The following DPP6 variants were observed in gnomAD, a reference collection of about 807,000 sequenced individuals.
DPP6 encodes the protein A-type potassium channel modulatory protein DPP6.
In DPP6, 69 loss-of-function variants were observed where a neutral mutation model predicts 122.6. That is an observed-to-expected ratio of 0.56 (90% CI 0.46 to 0.69). The LOEUF is 0.69. Among genes scored for constraint, DPP6 ranks in the 30% least tolerant of loss-of-function variants. DPP6 has a pLI of 0.00. For missense variants in DPP6, 928 were observed against 1,116.9 expected, an observed-to-expected ratio of 0.83 and a Z score of 2.41; for synonymous variants, 418 against 433.1, an observed-to-expected ratio of 0.97 and a Z score of 0.43.
chr7:153,944,261 G>A (rs6952540), intron 1 of DPP6, among the ~76,000 whole-genome samples: 4,990 of 152,250 alleles, frequency 0.033, 290 homozygotes, highest in African/African-American at 0.11. Flanking sequence ...ATGGGTGTGC[G>A]TTTGTGCATG....
intron 1 of DPP6, among the ~76,000 whole-genome samples, chr7:154,364,586 T>C (rs930295594): frequency 6.6e-6 from 1 of 152,196 alleles, no homozygotes; most frequent in African/African-American, 2.4e-5. Flanking sequence ...TCCCAGGGTT[T>C]CCTCTGCATC....
At chr7:154,744,011 G>A (rs1020780927) in intron 8 of DPP6, among the ~76,000 whole-genome samples, 1 of 152,078 alleles carries the variant, frequency 6.6e-6, no homozygotes, top group Non-Finnish European at 1.5e-5. Flanking sequence ...GGTGACAAGC[G>A]GCCCTGTGTC....
chr7:154,486,718 G>A lies in DPP6; in HGVS notation c.457+11681G>A, dbSNP rs1191694297. ...CCACCTTGGGGATGCAGCCCACTTC[G>A]CAGAGGCTGGATGCACTTCCTCCGT... On this transcript the variant is annotated intron_variant, in intron 3 of 25. Coordinates refer to ENST00000377770, the MANE Select transcript of DPP6 (RefSeq NM_130797.4). This position sits in a 1 kb window ranked among gnomAD's most constrained non-coding sequence, Gnocchi z 4.5. Among the ~76,000 whole-genome samples, 5 of 152,190 alleles carry A rather than the reference G, an allele frequency of 3.3e-5. No individual in the cohort carries two copies. The highest frequency in any genetic ancestry group is 6.5e-5 in the Admixed American group (1 of 15,278).
intron 1 of DPP6, among the ~76,000 whole-genome samples, chr7:154,394,234 A>G (rs1350173329): frequency 1.3e-5 from 2 of 152,168 alleles, no homozygotes; most frequent in East Asian, 1.9e-4. Flanking sequence ...GTTTCTCCAC[A>G]TCCTCACTAA....
chr7:154,051,438 C>T (rs1475907449), upstream of DPP6, among the ~76,000 whole-genome samples: 1 of 150,884 alleles, frequency 6.6e-6, no homozygotes, highest in African/African-American at 2.4e-5. Context: ...CCGGGGAGGA[C>T]GCGGGAGGGC....
chr7:154,330,969 T>C lies in DPP6; in HGVS notation c.244-115245T>C, dbSNP rs142316194. 2.0e-5 allele frequency among the ~76,000 whole-genome samples: 3 copies of C among 152,306 alleles called. No homozygotes were observed. The East Asian group carries it at 5.8e-4, about 29-fold the overall frequency. The stretch of plus-strand genomic sequence containing the variant: ...CTGCAGTGGCCTTCCCTCAAGACAA[T>C]GAGAAGCTTCTTGGCCTCCTCTTTA... On this transcript the variant is annotated intron_variant, in intron 1 of 25. Coordinates refer to ENST00000377770, the MANE Select transcript of DPP6 (RefSeq NM_130797.4).
At chr7:153,924,249 T>A (rs10232631) in intron 1 of DPP6, among the ~76,000 whole-genome samples, 1 of 151,722 alleles carries the variant, frequency 6.6e-6, no homozygotes, top group Non-Finnish European at 1.5e-5. Flanking sequence ...GCTGGGATTA[T>A]AGGCACATGT....
chr7:154,589,172 C>G (rs960831972), intron 5 of DPP6, among the ~76,000 whole-genome samples: 2 of 152,190 alleles, frequency 1.3e-5, no homozygotes, highest in African/African-American at 4.8e-5. Flanking sequence ...TAACGCTGCC[C>G]TCCTCAACCT....
intron 1 of DPP6, chr7:154,094,167 C>T (rs990621126): frequency 1.3e-5 from 2 of 152,170 alleles, no homozygotes; most frequent in Non-Finnish European, 2.9e-5. Flanking sequence ...GGGCCATTTG[C>T]TTCATAATAG....
chr7:154,377,103 C>T (rs1477963273), intron 1 of DPP6, among the ~76,000 whole-genome samples: 3 of 152,180 alleles, frequency 2.0e-5, no homozygotes, highest in Non-Finnish European at 2.9e-5. Flanking sequence ...CTTGCATGAA[C>T]TCATAATGCC....
chr7:154,583,525 G>A (rs561325226), intron 5 of DPP6, among the ~76,000 whole-genome samples: 1 of 152,180 alleles, frequency 6.6e-6, no homozygotes, highest in East Asian at 1.9e-4. Context: ...ACTCACCCTG[G>A]GCAACTTAAC....
At chr7:154,305,335 T>TTGGGGGC in intron 1 of DPP6, 6 of 1,024,744 alleles carry the variant, frequency 5.9e-6, no homozygotes, top group Non-Finnish European at 7.1e-6. Flanking sequence ...TCGTCTTGTC[T>TTGGGGGC]ACCCACCCTC....
At chr7:154,054,438 C>T (rs2129063731) in intron 1 of DPP6, among the ~76,000 whole-genome samples, 1 of 152,026 alleles carries the variant, frequency 6.6e-6, no homozygotes, top group African/African-American at 2.4e-5. Flanking sequence ...GATGTGGAAA[C>T]TTTAATGGAG....
intron 1 of DPP6, among the ~76,000 whole-genome samples, chr7:154,200,987 C>T (rs1306587317): frequency 6.6e-6 from 1 of 152,112 alleles, no homozygotes; most frequent in Non-Finnish European, 1.5e-5. Context: ...AATGACATCC[C>T]TTTGAGATTA....
intron 8 of DPP6, among the ~76,000 whole-genome samples, chr7:154,768,257 CT>C (rs1184068009): frequency 6.6e-6 from 1 of 152,260 alleles, no homozygotes; most frequent in Non-Finnish European, 1.5e-5. Flanking sequence ...ATGTGGGCTG[CT>C]TCTTCCCTGT....
chr7:154,725,522 T>C (rs1842023103), intron 7 of DPP6, among the ~76,000 whole-genome samples: 1 of 151,968 alleles, frequency 6.6e-6, no homozygotes, highest in Non-Finnish European at 1.5e-5. Context: ...CTCATGAGAA[T>C]TCACTCACTA....
intron 1 of DPP6, among the ~76,000 whole-genome samples, chr7:153,987,330 C>G (rs369666030): frequency 6.6e-6 from 1 of 152,172 alleles, no homozygotes; most frequent in Non-Finnish European, 1.5e-5. Flanking sequence ...AATTTGCTTA[C>G]GTTGAATCAC....
At chr7:154,679,166 C>T (rs1035311086) in intron 7 of DPP6, among the ~76,000 whole-genome samples, 42 of 152,246 alleles carry the variant, frequency 2.8e-4, no homozygotes, top group African/African-American at 9.9e-4. Flanking sequence ...TCACCATCCA[C>T]AGTGTACCTG....
intron 1 of DPP6, among the ~76,000 whole-genome samples, chr7:154,326,963 G>A (rs1416495754): frequency 6.6e-6 from 1 of 152,194 alleles, no homozygotes; most frequent in Non-Finnish European, 1.5e-5. Context: ...GGTGGGCAGA[G>A]AGGGACGCAA....
Sources: gnomAD v4.1 joint callset for allele counts (sites outside exome capture counted in the v4.1 genomes callset) on GRCh38, gnomAD v4.1.1 for gene constraint, Gnocchi (gnomAD v3.1) non-coding constraint, MANE v1.5 for transcripts, NCBI Gene and HGNC (gene_info 2026-07-23, HGNC 2026-07-21) for gene names.